Variants in AFF2 observed in about 807,000 individuals in gnomAD.
AFF2 encodes the protein AF4/FMR2 family member 2.
A neutral mutation model predicts 76.9 loss-of-function variants in AFF2; 14 were observed. The ratio of observed to expected loss-of-function variants is 0.18; its 90% CI spans 0.12 to 0.28. The LOEUF (loss-of-function observed/expected upper bound fraction) is 0.28, where lower values mean the gene tolerates loss of function less well. Among genes scored for constraint, AFF2 ranks in the 10% least tolerant of loss-of-function variants. The probability of loss-of-function intolerance (pLI) is 1.00; values close to 1 mark genes in which losing one functional copy is unlikely to be tolerated. For missense variants in AFF2, 868 were observed against 1,001.1 expected, an observed-to-expected ratio of 0.87 and a Z score of 1.79; for synonymous variants, 398 against 366.7, an observed-to-expected ratio of 1.09 and a Z score of -0.98.
intron 15 of AFF2, 97 bp downstream of exon 15, chrX:148,967,789 C>G: frequency 1.4e-6 from 1 of 706,736 alleles, no homozygotes; most frequent in Non-Finnish European, 2.1e-6. Flanking sequence ...TTCAGTATCA[C>G]AGCCCACACC....
intron 8 of AFF2, among the ~76,000 whole-genome samples, chrX:148,892,313 C>T (rs2071232271): frequency 1.8e-5 from 2 of 111,055 alleles, no homozygotes; most frequent in South Asian, 7.7e-4. Flanking sequence ...TTAGATCTTC[C>T]CCTCCACTTC....
At chrX:148,596,694 A>G (rs1301030798) in intron 1 of AFF2, among the ~76,000 whole-genome samples, 2 of 112,400 alleles carry the variant, frequency 1.8e-5, no homozygotes, top group East Asian at 2.8e-4. Flanking sequence ...TAATGAAAGC[A>G]AAGAGCTCTG....
chrX:148,809,978 G>A (rs372212482), intron 4 of AFF2, 58 bp downstream of exon 4: 10 of 1,064,650 alleles, frequency 9.4e-6, no homozygotes, highest in Non-Finnish European at 1.3e-5. Context: ...ATCTGCTTAA[G>A]CTGTTTAAAG....
At chrX:148,973,681 A>G in intron 16 of AFF2, 74 bp downstream of exon 16, 7 of 1,039,252 alleles carry the variant, frequency 6.7e-6, no homozygotes, top group South Asian at 2.3e-5. Context: ...TAAAAAATGT[A>G]TCATTTCCAC....
intron 8 of AFF2, among the ~76,000 whole-genome samples, chrX:148,892,278 G>A (rs1320431875): frequency 8.9e-6 from 1 of 111,738 alleles, no homozygotes; most frequent in Non-Finnish European, 1.9e-5. Flanking sequence ...AAGCATATGA[G>A]CATTTACAGA....
chrX:148,711,374 T>A (rs2054965768), intron 3 of AFF2, among the ~76,000 whole-genome samples: 1 of 112,088 alleles, frequency 8.9e-6, no homozygotes, highest in Non-Finnish European at 1.9e-5. Flanking sequence ...ACAGACCATG[T>A]CAAAATAATT....
At chrX:148,508,470 G>T (rs1019949959) in intron 1 of AFF2, among the ~76,000 whole-genome samples, 1 of 111,392 alleles carries the variant, frequency 9.0e-6, no homozygotes, top group African/African-American at 3.3e-5. Flanking sequence ...TGCTAAAATT[G>T]TGATGTCTTC....
At chrX:148,938,895 GA>G (rs1400025627) in intron 9 of AFF2, among the ~76,000 whole-genome samples, 12 of 111,031 alleles carry the variant, frequency 1.1e-4, no homozygotes, top group Non-Finnish European at 1.9e-4. Context: ...GGGATTTGGA[GA>G]AAAAAAATCT....
At position 148,783,148 on chromosome X, in the gene AFF2, A is replaced by G. The variant is rs2069766507; in HGVS notation, c.1042-26728A>G. ...TTGGATTTTGTTGGTTAGGTGATGGAAGTATGATGCTATTGATATTTCCCC... is the reference window on the plus strand; with the variant it reads ...TTGGATTTTGTTGGTTAGGTGATGGGAGTATGATGCTATTGATATTTCCCC... On this transcript the variant is annotated intron_variant, in intron 3 of 20. Coordinates refer to ENST00000370460, the MANE Select transcript of AFF2 (RefSeq NM_002025.4). 2.7e-5 allele frequency among the ~76,000 whole-genome samples: 3 copies of G among 111,260 alleles called. 1 individual carries two copies. The South Asian group carries it at 1.2e-3, about 44-fold the overall frequency.
At chrX:148,816,369 A>C (rs2070265144) in intron 4 of AFF2, among the ~76,000 whole-genome samples, 1 of 111,708 alleles carries the variant, frequency 9.0e-6, no homozygotes, top group African/African-American at 3.2e-5. Context: ...ATTCAGGAGA[A>C]TGAGAAAAAT....
At chrX:148,746,757 GC>G (rs1378421813) in intron 3 of AFF2, among the ~76,000 whole-genome samples, 1 of 112,898 alleles carries the variant, frequency 8.9e-6, no homozygotes, top group Non-Finnish European at 1.9e-5. Flanking sequence ...GAGGGATGAT[GC>G]AAGGAGGGGC....
intron 1 of AFF2, among the ~76,000 whole-genome samples, chrX:148,511,710 TA>T: frequency 1.8e-5 from 2 of 112,485 alleles, no homozygotes; most frequent in Admixed American, 1.9e-4. Context: ...ATCAGAGGGG[TA>T]CACCCCTAAC....
At chrX:148,894,552 A>G (rs1428128315) in intron 8 of AFF2, among the ~76,000 whole-genome samples, 1 of 111,872 alleles carries the variant, frequency 8.9e-6, no homozygotes, top group African/African-American at 3.2e-5. Flanking sequence ...ATGGGGCCAC[A>G]TAACTCGTAT....
intron 7 of AFF2, among the ~76,000 whole-genome samples, chrX:148,869,398 A>G (rs1557277131): frequency 8.9e-6 from 1 of 112,509 alleles, no homozygotes; most frequent in African/African-American, 3.2e-5. Context: ...AAATAAGTAG[A>G]TAGATTAAAA....
In AFF2 at chrX:148,508,802, A is replaced by T. The variant is rs782634597; in HGVS notation, c.47+7658A>T. ...AGGTCTCATCAATTTGCTATTATTT[A>T]TTTGCTGCCAAAGTGCTTGGCTTTG... is the stretch of plus-strand genomic sequence containing the variant. On this transcript the variant is annotated intron_variant, in intron 1 of 20. Coordinates refer to ENST00000370460, the MANE Select transcript of AFF2 (RefSeq NM_002025.4). 3.6e-5 allele frequency among the ~76,000 whole-genome samples: 4 copies of T among 111,278 alleles called. No individual in the cohort carries two copies. The East Asian group carries it at 1.1e-3, about 32-fold the overall frequency.
At position 148,519,130 on chromosome X, in the gene AFF2, G is replaced by T. The variant is rs1418941264; in HGVS notation, c.47+17986G>T. On this transcript the variant is annotated intron_variant, in intron 1 of 20. Coordinates refer to ENST00000370460, the MANE Select transcript of AFF2 (RefSeq NM_002025.4). ...TTAATGGCACCTTATATAAATAGAG[G>T]CAGTGAAGCTAGTTGCTACTCTCCC... is the stretch of plus-strand genomic sequence containing the variant. 2.1e-4 allele frequency among the ~76,000 whole-genome samples: 23 copies of T among 111,254 alleles called. 1 individual carries two copies. In the Admixed American group the frequency reaches 2.2e-3, roughly 11 times the overall value.
chrX:148,510,721 C>G (rs973139902), intron 1 of AFF2, among the ~76,000 whole-genome samples: 2 of 112,137 alleles, frequency 1.8e-5, no homozygotes, highest in South Asian at 7.3e-4. Flanking sequence ...CTAATTCAAA[C>G]TTGACAAGAA....
At chrX:148,926,151 C>A (rs1219846593) in intron 9 of AFF2, among the ~76,000 whole-genome samples, 2 of 111,621 alleles carry the variant, frequency 1.8e-5, no homozygotes, top group African/African-American at 6.5e-5. Flanking sequence ...ATCTGACATT[C>A]CTGGTATTTT....
intron 3 of AFF2, among the ~76,000 whole-genome samples, chrX:148,782,978 G>A (rs1157494101): frequency 8.9e-6 from 1 of 112,085 alleles, no homozygotes; most frequent in Non-Finnish European, 1.9e-5. Flanking sequence ...ATCAGGAAAA[G>A]GGGACTGACG....
Sources: allele counts gnomAD v4.1 joint callset (sites outside exome capture counted in the v4.1 genomes callset), GRCh38; gene constraint gnomAD v4.1.1; transcripts MANE v1.5; gene names NCBI Gene and HGNC (gene_info 2026-07-23, HGNC 2026-07-21).